PARD3: variants seen among roughly 807,000 people sequenced by gnomAD.
PARD3 encodes par-3 family cell polarity regulator.
PARD3 carries 75 observed loss-of-function variants against 155.4 expected under a neutral mutation model. That is an observed-to-expected ratio of 0.48 (90% CI 0.40 to 0.58). The LOEUF (loss-of-function observed/expected upper bound fraction) is 0.58, where lower values mean the gene tolerates loss of function less well. Among genes scored for constraint, PARD3 ranks in the 20% least tolerant of loss-of-function variants. The probability of loss-of-function intolerance (pLI) is 0.00; values close to 1 mark genes in which losing one functional copy is unlikely to be tolerated. For synonymous variants in PARD3, 576 were observed against 610.5 expected (o/e 0.94, Z 0.83); for missense variants, 1,642 against 1,721.7 (o/e 0.95, Z 0.82).
chr10:34,213,465 A>T (rs892621444), intron 22 of PARD3, among the ~76,000 whole-genome samples: 2 of 152,164 alleles, frequency 1.3e-5, no homozygotes, highest in African/African-American at 2.4e-5. Context: ...TTTGGTGGGG[A>T]TGAACTATGT....
intron 14 of PARD3, among the ~76,000 whole-genome samples, chr10:34,352,914 G>C (rs146421924): frequency 6.6e-6 from 1 of 151,308 alleles, no homozygotes; most frequent in African/African-American, 2.4e-5. Flanking sequence ...GTCTCTGCCC[G>C]GCCGCCCATC....
chr10:34,594,937 T>G (rs1384726936), intron 2 of PARD3, among the ~76,000 whole-genome samples: 2 of 152,200 alleles, frequency 1.3e-5, no homozygotes, highest in Non-Finnish European at 2.9e-5. Context: ...CTCTTTAGTT[T>G]CTCCATGTAG....
At chr10:34,153,327 CTG>C (rs1948863371) in intron 22 of PARD3, among the ~76,000 whole-genome samples, 1 of 152,118 alleles carries the variant, frequency 6.6e-6, no homozygotes, top group South Asian at 2.1e-4. Context: ...CCATTTTAAT[CTG>C]TGTCATATTT....
At chr10:34,301,146 G>A (rs185753455) in intron 20 of PARD3, among the ~76,000 whole-genome samples, 32 of 152,258 alleles carry the variant, frequency 2.1e-4, no homozygotes, top group Non-Finnish European at 2.6e-4. Context: ...AGGGATATGC[G>A]ATGTTCTCAA....
At chr10:34,645,551 C>T (rs2092810892) in intron 2 of PARD3, among the ~76,000 whole-genome samples, 1 of 152,148 alleles carries the variant, frequency 6.6e-6, no homozygotes, top group Non-Finnish European at 1.5e-5. Flanking sequence ...CTACATTATG[C>T]TAAATTTACT....
intron 2 of PARD3, among the ~76,000 whole-genome samples, chr10:34,652,064 A>AG (rs2093029827): frequency 6.6e-6 from 1 of 152,196 alleles, no homozygotes; most frequent in Admixed American, 6.5e-5. Flanking sequence ...CTCCCAAGCA[A>AG]GCTGGCTGGA....
rs530437552 is a variant in PARD3 at position 34,437,277 on chromosome 10, C to G, written c.714+13040G>C. ...TAGCCTGTATGGGGTATCCTCAAAC[C>G]AGGATACACTCCAGTGACTAAGAAA... On this transcript the variant is annotated intron_variant, in intron 5 of 24. Coordinates refer to ENST00000374788, the MANE Select transcript of PARD3 (RefSeq NM_001184785.2). Among the ~76,000 whole-genome samples, 106 of 152,076 alleles carry G rather than the reference C, an allele frequency of 7.0e-4. 1 individual carries two copies. The highest frequency in any genetic ancestry group is 6.6e-3 in the South Asian group (32 of 4,816).
At chr10:34,588,484 C>T (rs1000825947) in intron 2 of PARD3, among the ~76,000 whole-genome samples, 2 of 152,154 alleles carry the variant, frequency 1.3e-5, no homozygotes, top group African/African-American at 4.8e-5. Context: ...TTTAATCACC[C>T]GGCGCTTCAA....
rs536136842 is a variant in PARD3, at chr10:34,768,989, C to A, written c.120+45887G>T. Among the ~76,000 whole-genome samples the A allele has an allele frequency of 2.2e-4, 34 of 152,362 alleles. No homozygotes were observed. In the South Asian group the frequency reaches 4.1e-3, roughly 19 times the overall value. On this transcript the variant is annotated intron_variant, in intron 1 of 24. Coordinates refer to ENST00000374788, the MANE Select transcript of PARD3 (RefSeq NM_001184785.2). ...CTAAGATACACTGCTCATTACCCGC[C>A]CTCTCAAGGCTCGGATCAATAAACT... is the stretch of plus-strand genomic sequence containing the variant.
chr10:34,378,498 C>T (rs941137802), intron 9 of PARD3, among the ~76,000 whole-genome samples: 2 of 152,028 alleles, frequency 1.3e-5, no homozygotes, highest in African/African-American at 4.8e-5. Flanking sequence ...ATAATGACAT[C>T]CAAATTTTAA....
At chr10:34,736,022 C>T (rs2094906979) in intron 1 of PARD3, among the ~76,000 whole-genome samples, 1 of 151,824 alleles carries the variant, frequency 6.6e-6, no homozygotes, top group African/African-American at 2.4e-5. Context: ...CCACACCAAA[C>T]TTGTTACTTT....
chr10:34,453,772 T>C (rs1029659561), intron 4 of PARD3, among the ~76,000 whole-genome samples: 6 of 152,206 alleles, frequency 3.9e-5, no homozygotes, highest in African/African-American at 1.4e-4. Context: ...AACAGTACAC[T>C]GTTTCTCCAT....
chr10:34,291,104 C>G (rs1956655520), intron 20 of PARD3, among the ~76,000 whole-genome samples: 1 of 152,166 alleles, frequency 6.6e-6, no homozygotes, highest in Admixed American at 6.5e-5. Context: ...AACCAATTAC[C>G]CTGGTCTCTA....
chr10:34,260,255 G>C (rs1954887746), intron 22 of PARD3, among the ~76,000 whole-genome samples: 1 of 152,210 alleles, frequency 6.6e-6, no homozygotes, highest in Non-Finnish European at 1.5e-5. Context: ...GATTACAGGC[G>C]TGAGCTGCCA....
intron 3 of PARD3, among the ~76,000 whole-genome samples, chr10:34,506,175 T>C (rs1367929518): frequency 6.6e-6 from 1 of 151,950 alleles, no homozygotes; most frequent in Non-Finnish European, 1.5e-5. Flanking sequence ...ACATAACAGA[T>C]AGGAACTGCA....
intron 22 of PARD3, among the ~76,000 whole-genome samples, chr10:34,196,631 T>C (rs1950954238): frequency 6.9e-6 from 1 of 145,274 alleles, no homozygotes; most frequent in Non-Finnish European, 1.5e-5. Context: ...TGGAGTGCAG[T>C]GGCTCGATCT....
At chr10:34,300,340 T>A (rs1957088765) in intron 20 of PARD3, among the ~76,000 whole-genome samples, 2 of 152,148 alleles carry the variant, frequency 1.3e-5, no homozygotes, top group South Asian at 4.1e-4. Flanking sequence ...GTCACAATAT[T>A]GGAAAAGAAA....
At chr10:34,235,207 T>C (rs1200996251) in intron 22 of PARD3, among the ~76,000 whole-genome samples, 2 of 152,220 alleles carry the variant, frequency 1.3e-5, no homozygotes, top group Non-Finnish European at 2.9e-5. Flanking sequence ...AAAGGTAAAA[T>C]TATTATGTTA....
At chr10:34,142,672 A>AAGGC (rs1564427530) in intron 22 of PARD3, among the ~76,000 whole-genome samples, 2 of 152,208 alleles carry the variant, frequency 1.3e-5, no homozygotes, top group South Asian at 2.1e-4. Flanking sequence ...GGAAGGCAGG[A>AAGGC]AGGCAGGCAG....
Sources: allele counts gnomAD v4.1 joint callset (sites outside exome capture counted in the v4.1 genomes callset), GRCh38; gene constraint gnomAD v4.1.1; transcripts MANE v1.5; gene names NCBI Gene and HGNC (gene_info 2026-07-23, HGNC 2026-07-21).